The following KLF12 variants were observed in gnomAD, a reference collection of about 807,000 sequenced individuals.
The protein encoded by KLF12 is Krueppel-like factor 12.
In KLF12, 9 loss-of-function variants were observed where a neutral mutation model predicts 37.8. That is an observed-to-expected ratio of 0.24 (90% CI 0.14 to 0.42). KLF12 has a LOEUF of 0.42. Ranked by LOEUF, KLF12 falls within the 10% of genes least tolerant of loss-of-function variation. The pLI, the probability that KLF12 is intolerant of heterozygous loss-of-function variation, is 1.00. For synonymous variants in KLF12, 208 were observed against 202.1 expected (o/e 1.03, Z -0.25); for missense variants, 411 against 516.0 (o/e 0.80, Z 1.97).
In KLF12 at chr13:73,732,962, T is replaced by C. The variant is rs79162519; in HGVS notation, c.870-17437A>G. Among the ~76,000 whole-genome samples, 5 of 152,264 alleles carry C rather than the reference T, an allele frequency of 3.3e-5. No individual in the cohort carries two copies. In the East Asian group the frequency reaches 9.7e-4, roughly 29 times the overall value. On this transcript the variant is annotated intron_variant, in intron 6 of 7. Transcript: ENST00000377669. Reference sequence around the variant, plus strand: ...CAAAAACAGGGGTCCCTCATGATTATTCTCTTCTATAGCTTATACAGGACC... The same window carrying C: ...CAAAAACAGGGGTCCCTCATGATTACTCTCTTCTATAGCTTATACAGGACC...
rs1555299031 is a variant in KLF12 at position 73,738,114 on chromosome 13, T to TACACACACACATATATGTATGTGTAC, written c.870-22590_870-22589insGTACACATACATATATGTGTGTGTGT. ...GTACATATATATATATATATATATA[T>TACACACACACATATATGTATGTGTAC]ATATATATATACACACACACACATA... is the stretch of plus-strand genomic sequence containing the variant. On this transcript the variant is annotated intron_variant, in intron 6 of 7. Transcript: ENST00000377669. Among the ~76,000 whole-genome samples, 24 of 69,166 alleles carry TACACACACACATATATGTATGTGTAC rather than the reference T, an allele frequency of 3.5e-4. 1 individual carries two copies. The highest frequency in any genetic ancestry group is 7.4e-3 in the Middle Eastern group (1 of 136). The allele number at this position is 69,166 out of a possible 152,430, so 45.4% of individuals were successfully genotyped here.
At chr13:74,038,547 T>TATATATTATAGTCCAGCTCCAC (rs879767243) in intron 1 of KLF12, among the ~76,000 whole-genome samples, 66 of 152,288 alleles carry the variant, frequency 4.3e-4, no homozygotes, top group Admixed American at 1.6e-3. Context: ...AGTTGATCCA[T>TATATATTATAGTCCAGCTCCAC]ATATATTATA....
chr13:74,092,222 G>A (rs547210667), intron 1 of KLF12, among the ~76,000 whole-genome samples: 287 of 148,722 alleles, frequency 1.9e-3, no homozygotes, highest in African/African-American at 4.7e-3. Context: ...ACTTGAACCC[G>A]GGAGGTGGAG....
At chr13:74,147,149 C>G in the KLF12 span, among the ~76,000 whole-genome samples, 3 of 152,138 alleles carry the variant, frequency 2.0e-5, no homozygotes, top group South Asian at 6.2e-4. Flanking sequence ...TGAGCTTTTC[C>G]CCAGTTCTTT....
intron 1 of KLF12, among the ~76,000 whole-genome samples, chr13:74,124,003 TTTGTTG>T (rs200255618): frequency 6.6e-6 from 1 of 152,144 alleles, no homozygotes; most frequent in Non-Finnish European, 1.5e-5. Context: ...CAAAGCAATT[TTTGTTG>T]TTGTTGTTGT....
chr13:74,060,835 A>G (rs1324914), intron 1 of KLF12, among the ~76,000 whole-genome samples: 84,076 of 151,994 alleles, frequency 0.55, 25,930 homozygotes, highest in East Asian at 0.87. Context: ...CTATTTTCTA[A>G]AATGTTCACT....
At chr13:74,217,481 C>G in the KLF12 span, among the ~76,000 whole-genome samples, 2 of 151,900 alleles carry the variant, frequency 1.3e-5, no homozygotes, top group East Asian at 3.9e-4. Flanking sequence ...GCAATCCTAG[C>G]ACTTTGGGAG....
upstream of KLF12, among the ~76,000 whole-genome samples, chr13:74,137,909 C>A (rs566806204): frequency 1.3e-5 from 2 of 152,286 alleles, no homozygotes; most frequent in African/African-American, 4.8e-5. Flanking sequence ...TACGGGCATG[C>A]GCCACCACGC....
chr13:73,765,107 C>T, intron 5 of KLF12, 107 bp from the exon 6 acceptor site: 6 of 647,638 alleles, frequency 9.3e-6, no homozygotes, highest in Admixed American at 2.9e-5. Context: ...TTGCTTAATA[C>T]AAAATCCCCA....
chr13:74,136,127 A>G (rs761518043), upstream of KLF12, among the ~76,000 whole-genome samples: 2 of 152,134 alleles, frequency 1.3e-5, no homozygotes, highest in African/African-American at 2.4e-5. Context: ...AGAGGAAGAA[A>G]TGTCTGAAAT....
chr13:73,885,037 T>C (rs1887155242), intron 3 of KLF12, among the ~76,000 whole-genome samples: 2 of 152,344 alleles, frequency 1.3e-5, no homozygotes, highest in Admixed American at 1.3e-4. Context: ...TGAGATGCTT[T>C]AGGACTCAGT....
intron 1 of KLF12, among the ~76,000 whole-genome samples, chr13:74,060,758 A>G (rs1391125074): frequency 6.6e-6 from 1 of 152,000 alleles, no homozygotes; most frequent in Non-Finnish European, 1.5e-5. Context: ...GATGTCTTTT[A>G]TTTCTCTCTT....
At chr13:74,239,811 T>C in the KLF12 span, among the ~76,000 whole-genome samples, 1 of 152,070 alleles carries the variant, frequency 6.6e-6, no homozygotes, top group African/African-American at 2.4e-5. Flanking sequence ...TCTTCCTCCA[T>C]CCTTTTATTT....
At chr13:73,698,877 G>C (rs1874337436) in intron 7 of KLF12, among the ~76,000 whole-genome samples, 1 of 152,036 alleles carries the variant, frequency 6.6e-6, no homozygotes, top group African/African-American at 2.4e-5. Context: ...TATTGAATTG[G>C]GATTATATAT....
At position 73,738,853 on chromosome 13, in the gene KLF12, T is replaced by G. The variant is rs8001156; in HGVS notation, c.870-23328A>C. On this transcript the variant is annotated intron_variant, in intron 6 of 7. Coordinates refer to ENST00000377669, the MANE Select transcript of KLF12 (RefSeq NM_007249.5). The stretch of plus-strand genomic sequence containing the variant: ...TTAAATGCCTGGTATTGCAGTCAGA[T>G]TACCAGGCCCCACCCATCTAACTGT... Among the ~76,000 whole-genome samples the G allele has an allele frequency of 5.5e-3, 831 of 152,294 alleles. 11 individuals carry two copies. The highest frequency in any genetic ancestry group is 0.019 in the African/African-American group (792 of 41,566).
At chr13:74,184,348 G>T in the KLF12 span, among the ~76,000 whole-genome samples, 3 of 151,938 alleles carry the variant, frequency 2.0e-5, no homozygotes, top group African/African-American at 7.3e-5. Flanking sequence ...AAACTTGTAG[G>T]GATGACAAAC....
At chr13:73,717,152 T>C (rs902933303) in intron 6 of KLF12, among the ~76,000 whole-genome samples, 3 of 152,226 alleles carry the variant, frequency 2.0e-5, no homozygotes, top group Non-Finnish European at 4.4e-5. Flanking sequence ...AATGTCGTTA[T>C]GTTCCAATGA....
chr13:73,980,162 C>T (rs540642804), intron 2 of KLF12, among the ~76,000 whole-genome samples: 25 of 152,228 alleles, frequency 1.6e-4, no homozygotes, highest in African/African-American at 5.8e-4. Flanking sequence ...TGAAAGCTTA[C>T]AATAAACCAA....
chr13:73,917,403 C>T (rs1159322275), intron 3 of KLF12, among the ~76,000 whole-genome samples: 1 of 152,112 alleles, frequency 6.6e-6, no homozygotes, highest in Admixed American at 6.5e-5. Flanking sequence ...CCTTGTAAAT[C>T]AGATATAATC....
Sources: gnomAD v4.1 joint callset for allele counts (sites outside exome capture counted in the v4.1 genomes callset) on GRCh38, gnomAD v4.1.1 for gene constraint, MANE v1.5 for transcripts, NCBI Gene and HGNC (gene_info 2026-07-23, HGNC 2026-07-21) for gene names.